PDZD8: variants seen among roughly 807,000 people sequenced by gnomAD.
The protein encoded by PDZD8 is PDZ domain-containing protein 8.
Under a neutral mutation model 85.8 loss-of-function variants are expected in PDZD8, and 14 were observed. That is an observed-to-expected ratio of 0.16 (90% confidence interval 0.11 to 0.26). The LOEUF (loss-of-function observed/expected upper bound fraction) is 0.26. Among genes scored for constraint, PDZD8 ranks in the 10% least tolerant of loss-of-function variants. The probability of loss-of-function intolerance (pLI) is 1.00; values close to 1 mark genes in which losing one functional copy is unlikely to be tolerated. For synonymous variants in PDZD8, 592 were observed against 568.6 expected (o/e 1.04, Z -0.59); for missense variants, 1,197 against 1,424.3 (o/e 0.84, Z 2.57).
intron 1 of PDZD8, among the ~76,000 whole-genome samples, chr10:117,352,043 CA>C (rs1442343176): frequency 6.6e-6 from 1 of 152,156 alleles, no homozygotes; most frequent in Non-Finnish European, 1.5e-5. Flanking sequence ...TTTATACTTA[CA>C]AGAGAAGCCA....
chr10:117,328,420 A>AT (rs35594578), intron 2 of PDZD8, among the ~76,000 whole-genome samples: 4 of 151,224 alleles, frequency 2.6e-5, no homozygotes, highest in Admixed American at 1.3e-4. Context: ...TATTATTATT[A>AT]TTTTTTTTGG....
At position 117,345,966 on chromosome 10, in the gene PDZD8, C is replaced by A. The variant is rs1312501564; in HGVS notation, c.873-4864G>T. On this transcript the variant is annotated intron_variant, in intron 1 of 4. Coordinates refer to ENST00000334464, the MANE Select transcript of PDZD8 (RefSeq NM_173791.5). ...GTTCAGCTATAGGGGTTCAGCCAGG[C>A]GCGGTGGCTCAAGCCTGTAATCCCA... Among the ~76,000 whole-genome samples, 7 of 152,072 alleles carry A rather than the reference C, an allele frequency of 4.6e-5. No individual in the cohort carries two copies. The East Asian group carries it at 1.3e-3, about 29-fold the overall frequency.
chr10:117,342,722 C>T (rs1844637340), intron 1 of PDZD8, among the ~76,000 whole-genome samples: 1 of 152,186 alleles, frequency 6.6e-6, no homozygotes, highest in Non-Finnish European at 1.5e-5. Context: ...AAGTGATCTG[C>T]CTGCCTCGGC....
intron 3 of PDZD8, among the ~76,000 whole-genome samples, chr10:117,297,078 CT>C (rs1223675667): frequency 6.6e-6 from 1 of 151,898 alleles, no homozygotes; most frequent in Non-Finnish European, 1.5e-5. Context: ...ACTCTTACAA[CT>C]AAATAAGAAA....
intron 2 of PDZD8, among the ~76,000 whole-genome samples, chr10:117,332,634 G>C (rs1166501304): frequency 6.6e-6 from 1 of 150,542 alleles, no homozygotes; most frequent in Admixed American, 6.6e-5. Context: ...AGCCTCCCGA[G>C]TAACTGGGAT....
intron 3 of PDZD8, among the ~76,000 whole-genome samples, chr10:117,290,828 T>C (rs1844745523): frequency 6.6e-6 from 1 of 151,642 alleles, no homozygotes; most frequent in African/African-American, 2.4e-5. Flanking sequence ...TCATTCATAA[T>C]ATGTGCTTTG....
intron 4 of PDZD8, among the ~76,000 whole-genome samples, chr10:117,286,344 CCA>C (rs764561735): frequency 6.6e-6 from 1 of 152,168 alleles, no homozygotes; most frequent in Non-Finnish European, 1.5e-5. Flanking sequence ...GTCACTCTTC[CCA>C]CACTCTCTAA....
chr10:117,362,681 A>T (rs1845018504), intron 1 of PDZD8, among the ~76,000 whole-genome samples: 1 of 152,146 alleles, frequency 6.6e-6, no homozygotes, highest in Admixed American at 6.5e-5. Flanking sequence ...CAACTTACTC[A>T]AATATTTTAA....
chr10:117,305,930 T>C (rs1211602519), intron 3 of PDZD8, among the ~76,000 whole-genome samples: 1 of 152,166 alleles, frequency 6.6e-6, no homozygotes, highest in Non-Finnish European at 1.5e-5. Context: ...ACAAGTGATT[T>C]AGCCCCTGTG....
rs952439656 is a variant in PDZD8, at chr10:117,278,396, A to G, written c.*4872T>C. ...GTGATCAGGCAGAAAAGAAAAATGG[A>G]ACATCTAAAAATGTATGTGCTAACT... On this transcript the variant is annotated 3_prime_UTR_variant, in exon 5 of 5. Transcript: ENST00000334464. 9.9e-5 allele frequency: 15 copies of G among 152,242 alleles called. No homozygotes were observed. Among genetic ancestry groups the G allele is most frequent in the African/African-American group, 3.6e-4 (15 of 41,472 alleles). 9.4% of individuals were successfully genotyped at this position (152,242 alleles called of 1,614,324 possible).
chr10:117,285,749 C>A, intron 4 of PDZD8: 2 of 1,110,244 alleles, frequency 1.8e-6, no homozygotes, highest in Non-Finnish European at 2.2e-6. Context: ...GATGCTAACT[C>A]CTAATTGCTT....
intron 1 of PDZD8, among the ~76,000 whole-genome samples, chr10:117,346,155 C>T (rs552756879): frequency 6.7e-6 from 1 of 149,132 alleles, no homozygotes; most frequent in African/African-American, 2.5e-5. Flanking sequence ...ACAGGAGAAT[C>T]GCTTGAACCT....
chr10:117,343,317 TCTC>T (rs1353852468), intron 1 of PDZD8, among the ~76,000 whole-genome samples: 4 of 152,168 alleles, frequency 2.6e-5, no homozygotes, highest in Non-Finnish European at 5.9e-5. Context: ...TCAGTGGTTT[TCTC>T]CTGTTTCTAA....
intron 1 of PDZD8, among the ~76,000 whole-genome samples, chr10:117,353,334 T>C (rs1844838961): frequency 6.6e-6 from 1 of 152,172 alleles, no homozygotes; most frequent in Non-Finnish European, 1.5e-5. Flanking sequence ...ACCTTCCCAG[T>C]GCAGTTTGAT....
intron 2 of PDZD8, among the ~76,000 whole-genome samples, chr10:117,321,978 C>CA (rs1844233444): frequency 6.6e-6 from 1 of 152,106 alleles, no homozygotes; most frequent in South Asian, 2.1e-4. Flanking sequence ...TTAAAGCATA[C>CA]AAAGCATTAT....
intron 3 of PDZD8, among the ~76,000 whole-genome samples, chr10:117,316,622 G>A (rs1397632023): frequency 6.6e-6 from 1 of 152,178 alleles, no homozygotes; most frequent in African/African-American, 2.4e-5. Context: ...CCCAGGAGTT[G>A]GAGGCTGTAG....
intron 2 of PDZD8, among the ~76,000 whole-genome samples, chr10:117,325,996 A>G (rs1844310088): frequency 6.6e-6 from 1 of 152,068 alleles, no homozygotes; most frequent in Admixed American, 6.5e-5. Context: ...AGTGTCTGGC[A>G]TTTCCCCTGC....
intron 3 of PDZD8, among the ~76,000 whole-genome samples, chr10:117,306,878 A>T (rs1002858984): frequency 6.6e-6 from 1 of 152,118 alleles, no homozygotes; most frequent in African/African-American, 2.4e-5. Flanking sequence ...TAACTTCTAA[A>T]TATTTAAGCA....
At chr10:117,322,788 T>C (rs542115112) in intron 2 of PDZD8, among the ~76,000 whole-genome samples, 1 of 152,170 alleles carries the variant, frequency 6.6e-6, no homozygotes, top group East Asian at 1.9e-4. Flanking sequence ...CACTAAAAAA[T>C]AAGACTACCA....
Sources: gnomAD v4.1 joint callset for allele counts (sites outside exome capture counted in the v4.1 genomes callset) on GRCh38, gnomAD v4.1.1 for gene constraint, MANE v1.5 for transcripts, NCBI Gene and HGNC (gene_info 2026-07-23, HGNC 2026-07-21) for gene names.